PLGRKT: variants seen among roughly 807,000 people sequenced by gnomAD.
The protein encoded by PLGRKT is plasminogen receptor with a C-terminal lysine.
Under a neutral mutation model 18.5 loss-of-function variants are expected in PLGRKT, and 22 were observed. The observed-to-expected ratio is 1.19, with a 90% CI of 0.85 to 1.70. PLGRKT has a LOEUF of 1.70. Among genes scored for constraint, PLGRKT ranks in the 40% most tolerant of loss-of-function variants. The pLI, the probability that PLGRKT is intolerant of heterozygous loss-of-function variation, is 0.00. For missense variants in PLGRKT, 235 were observed against 174.4 expected (o/e 1.35, Z -1.96); for synonymous variants, 72 against 52.8 (o/e 1.36, Z -1.58).
intron 3 of PLGRKT, among the ~76,000 whole-genome samples, chr9:5,376,225 T>C (rs1443678426): frequency 1.3e-5 from 2 of 152,060 alleles, no homozygotes; most frequent in Non-Finnish European, 2.9e-5. Context: ...GTTTAATGGG[T>C]ACAAGGTTTC....
chr9:5,413,333 C>T (rs1349684479), intron 3 of PLGRKT, among the ~76,000 whole-genome samples: 2 of 152,114 alleles, frequency 1.3e-5, no homozygotes, highest in Non-Finnish European at 2.9e-5. Flanking sequence ...AATAATGGGA[C>T]CTCAGAGAAG....
intron 3 of PLGRKT, among the ~76,000 whole-genome samples, chr9:5,368,940 T>C (rs1334832942): frequency 1.3e-5 from 2 of 152,106 alleles, no homozygotes; most frequent in African/African-American, 2.4e-5. Context: ...TCCTTATGCC[T>C]TACACAAAAA....
chr9:5,411,697 T>C (rs914754967), intron 3 of PLGRKT, among the ~76,000 whole-genome samples: 5 of 152,210 alleles, frequency 3.3e-5, no homozygotes, highest in African/African-American at 1.2e-4. Context: ...AGGTAAGAAA[T>C]CCAACTATAA....
In PLGRKT at chr9:5,359,064, A is replaced by AT. The variant is rs3042402; in HGVS notation, c.323-705dup. On this transcript the variant is annotated intron_variant, in intron 5 of 5. Coordinates refer to ENST00000223864, the MANE Select transcript of PLGRKT (RefSeq NM_018465.4). ...TACTCCTCTTTTAACACACTATTTT[A>AT]TTTTTTTTTTTTTTTTGAGACAGTG... is the stretch of plus-strand genomic sequence containing the variant. Among the ~76,000 whole-genome samples, 941 of 142,912 alleles carry AT rather than the reference A, an allele frequency of 6.6e-3. 6 individuals carry two copies. The highest frequency in any genetic ancestry group is 0.015 in the African/African-American group (611 of 39,546). 93.8% of individuals were successfully genotyped at this position (142,912 alleles called of 152,430 possible).
At chr9:5,419,038 C>G (rs1012671898) in intron 3 of PLGRKT, 1 of 434,266 alleles carries the variant, frequency 2.3e-6, no homozygotes, top group Non-Finnish European at 4.4e-6. Context: ...TCTTCAGAGG[C>G]CGCCGCTCTG....
chr9:5,382,018 T>A (rs1416246793), intron 3 of PLGRKT: 2 of 985,050 alleles, frequency 2.0e-6, no homozygotes, highest in Non-Finnish European at 2.4e-6. Flanking sequence ...ACTTAGCAGT[T>A]GAAAATGTGC....
rs997508181 is a variant in PLGRKT, at chr9:5,437,808, G to T, written c.-152C>A. 1.3e-5 allele frequency: 2 copies of T among 152,292 alleles called. No homozygotes were observed. The highest frequency in any genetic ancestry group is 2.9e-5 in the Non-Finnish European group (2 of 68,088). The allele number at this position is 152,292 out of a possible 1,614,324, so 9.4% of individuals were successfully genotyped here. On this transcript the variant is annotated 5_prime_UTR_variant, in exon 1 of 6. Coordinates refer to ENST00000223864, the MANE Select transcript of PLGRKT (RefSeq NM_018465.4). The stretch of plus-strand genomic sequence containing the variant: ...ACTCACTGGGCGGCGCTGGTGCCGG[G>T]ACCAGGCGACCGGTACGCAAACCTC...
chr9:5,361,597 G>A (rs1057332139), intron 4 of PLGRKT, among the ~76,000 whole-genome samples, 161 bp downstream of exon 4: 2 of 152,162 alleles, frequency 1.3e-5, no homozygotes, highest in Non-Finnish European at 2.9e-5. Context: ...TTACTGCCTT[G>A]CTTTCACAGA....
chr9:5,422,885 G>T (rs1818604629), intron 3 of PLGRKT, among the ~76,000 whole-genome samples: 1 of 152,102 alleles, frequency 6.6e-6, no homozygotes, highest in South Asian at 2.1e-4. Context: ...TAGCAAGTTA[G>T]ATTTGCTGGT....
chr9:5,431,404 C>T (rs192714872), intron 3 of PLGRKT, among the ~76,000 whole-genome samples: 20 of 152,038 alleles, frequency 1.3e-4, no homozygotes, highest in African/African-American at 4.8e-4. Flanking sequence ...AGTGGTGGTG[C>T]ATGCCTGCAA....
chr9:5,392,003 C>T (rs1001962078), intron 3 of PLGRKT, among the ~76,000 whole-genome samples: 2 of 151,892 alleles, frequency 1.3e-5, no homozygotes, highest in African/African-American at 4.9e-5. Flanking sequence ...GCCTGGGCAA[C>T]ACTAAACTCA....
chr9:5,423,824 T>C (rs901274595), intron 3 of PLGRKT, among the ~76,000 whole-genome samples: 1 of 149,210 alleles, frequency 6.7e-6, no homozygotes. Context: ...CACCTCAGAC[T>C]CCTGAATAGC....
At chr9:5,433,821 G>A (rs571258184) in intron 2 of PLGRKT, among the ~76,000 whole-genome samples, 5 of 132,404 alleles carry the variant, frequency 3.8e-5, no homozygotes, top group East Asian at 2.4e-4. Context: ...AGTGAGGAGC[G>A]TCTCTGCCTG....
rs115318313 is a variant in PLGRKT, at chr9:5,394,705, G to A, written c.82-32817C>T. Among the ~76,000 whole-genome samples the A allele has an allele frequency of 3.5e-3, 532 of 152,044 alleles. 15 individuals carry two copies. Among genetic ancestry groups the A allele is most frequent in the African/African-American group, 0.012 (489 of 41,320 alleles). On this transcript the variant is annotated intron_variant, in intron 3 of 5. Transcript: ENST00000223864. The stretch of plus-strand genomic sequence containing the variant: ...TGGGATTACAGGCGTAAGCCACTGC[G>A]TGACAGGGAAGTTTTTTTTTAAATA...
chr9:5,362,073 G>C (rs1412076385), intron 3 of PLGRKT, among the ~76,000 whole-genome samples, 185 bp from the exon 4 acceptor site: 1 of 152,180 alleles, frequency 6.6e-6, no homozygotes, highest in African/African-American at 2.4e-5. Flanking sequence ...CCTTGGCAGT[G>C]AAATCTTCCT....
intron 3 of PLGRKT, among the ~76,000 whole-genome samples, chr9:5,419,216 T>G (rs1481840679): frequency 1.3e-5 from 2 of 152,222 alleles, no homozygotes; most frequent in Non-Finnish European, 2.9e-5. Context: ...ATGGCAATTT[T>G]CAAAGACCAT....
chr9:5,370,949 A>C (rs1817502693), intron 3 of PLGRKT, among the ~76,000 whole-genome samples: 1 of 152,070 alleles, frequency 6.6e-6, no homozygotes, highest in Non-Finnish European at 1.5e-5. Context: ...TAAGAAAAAA[A>C]GTCCCCCTTT....
At position 5,389,095 on chromosome 9, in the gene PLGRKT, G is replaced by A. The variant is rs561598820; in HGVS notation, c.82-27207C>T. On this transcript the variant is annotated intron_variant, in intron 3 of 5. Coordinates refer to ENST00000223864, the MANE Select transcript of PLGRKT (RefSeq NM_018465.4). Reference sequence around the variant, plus strand: ...TAACATAGGACATGGACTTGTGTTAGATATTTGGAGGAGGGCCCAAAGATT... The same window carrying A: ...TAACATAGGACATGGACTTGTGTTAAATATTTGGAGGAGGGCCCAAAGATT... Among the ~76,000 whole-genome samples, 11 of 152,066 alleles carry A rather than the reference G, an allele frequency of 7.2e-5. No homozygotes were observed. In the South Asian group the frequency reaches 1.9e-3, roughly 26 times the overall value.
chr9:5,378,472 C>T (rs1817673907), intron 3 of PLGRKT, among the ~76,000 whole-genome samples: 1 of 152,110 alleles, frequency 6.6e-6, no homozygotes. Flanking sequence ...AGAACCCAGA[C>T]ACAGAAAAGG....
Sources: gnomAD v4.1 joint callset for allele counts (sites outside exome capture counted in the v4.1 genomes callset) on GRCh38, gnomAD v4.1.1 for gene constraint, MANE v1.5 for transcripts, NCBI Gene and HGNC (gene_info 2026-07-23, HGNC 2026-07-21) for gene names.